TET1: variants seen among roughly 807,000 people sequenced by gnomAD.
TET1 encodes the protein methylcytosine dioxygenase TET1.
In TET1, 13 loss-of-function variants were observed where a neutral mutation model predicts 148.7. The ratio of observed to expected loss-of-function variants is 0.09; its 90% CI spans 0.06 to 0.14. The LOEUF is 0.14. TET1 is among the 10% of genes least tolerant of loss of function. The pLI, the probability that TET1 is intolerant of heterozygous loss-of-function variation, is 1.00. For synonymous variants in TET1, 907 were observed against 937.2 expected, an observed-to-expected ratio of 0.97 and a Z score of 0.59; for missense variants, 2,182 against 2,553.8, an observed-to-expected ratio of 0.85 and a Z score of 3.14.
intron 3 of TET1, 85 bp downstream of exon 3, chr10:68,601,119 G>T: frequency 8.5e-7 from 1 of 1,181,270 alleles, no homozygotes; most frequent in South Asian, 1.4e-5. Context: ...TTGGAGTACA[G>T]TATATGTGAA....
chr10:68,678,225 T>C (rs2055390182), intron 8 of TET1, among the ~76,000 whole-genome samples: 1 of 152,156 alleles, frequency 6.6e-6, no homozygotes, highest in Non-Finnish European at 1.5e-5. Flanking sequence ...AATGGTCACT[T>C]AAATTATATG....
At chr10:68,672,487 C>CAAAAAAAAAAAAAAAAAA in intron 7 of TET1, among the ~76,000 whole-genome samples, 1 of 49,726 alleles carries the variant, frequency 2.0e-5, no homozygotes, top group Non-Finnish European at 3.2e-5. Context: ...GACCCCATCT[C>CAAAAAAAAAAAAAAAAAA]AAAAAAAAAA....
chr10:68,599,412 C>G (rs962577737), intron 2 of TET1, among the ~76,000 whole-genome samples: 1 of 152,244 alleles, frequency 6.6e-6, no homozygotes, highest in African/African-American at 2.4e-5. Flanking sequence ...TGAGACCAGC[C>G]AGCTCACCAC....
intron 11 of TET1, among the ~76,000 whole-genome samples, chr10:68,687,656 A>G (rs1173794367): frequency 1.3e-5 from 2 of 152,032 alleles, no homozygotes; most frequent in African/African-American, 4.8e-5. Context: ...TGGCGTGATC[A>G]TGGCTCACCA....
chr10:68,600,051 A>G (rs1294999396), intron 2 of TET1, among the ~76,000 whole-genome samples: 1 of 152,188 alleles, frequency 6.6e-6, no homozygotes. Flanking sequence ...CGCCTGCTGC[A>G]AAGAGGTGTG....
intron 7 of TET1, 43 bp from the exon 8 acceptor site, chr10:68,672,852 G>A (rs1481010580): frequency 6.4e-7 from 1 of 1,565,738 alleles, no homozygotes; most frequent in Non-Finnish European, 8.7e-7. Flanking sequence ...CTGAGGTATT[G>A]TAATGCTTCA....
intron 3 of TET1, among the ~76,000 whole-genome samples, chr10:68,612,838 G>T (rs766644540): frequency 2.6e-5 from 4 of 152,038 alleles, no homozygotes; most frequent in Non-Finnish European, 4.4e-5. Context: ...GGCTGGTCTT[G>T]AACTCTTGAG....
At position 68,693,228 on chromosome 10, in the gene TET1, AAGGAT is replaced by A. The variant is rs2055615973; in HGVS notation, c.*1415_*1419del. The A allele has an allele frequency of 4.3e-6, 1 of 232,650 alleles. No homozygotes were observed. The highest frequency in any genetic ancestry group is 8.5e-6 in the Non-Finnish European group (1 of 117,698). 14.4% of individuals were successfully genotyped at this position (232,650 alleles called of 1,614,324 possible). On this transcript the variant is annotated 3_prime_UTR_variant, in exon 12 of 12. Transcript: ENST00000373644. ...TTGACTCATTTTATTGCAAAACAAA[AAGGAT>A]TACCCAAACAACATGTTTCGAACAA...
intron 6 of TET1, among the ~76,000 whole-genome samples, chr10:68,660,789 T>C (rs1012994578): frequency 2.6e-5 from 4 of 151,506 alleles, no homozygotes; most frequent in Non-Finnish European, 5.9e-5. Flanking sequence ...GCCTCCCAAG[T>C]AGATGGTATT....
intron 8 of TET1, among the ~76,000 whole-genome samples, chr10:68,677,205 CCTT>C (rs1411545081): frequency 2.0e-5 from 3 of 152,194 alleles, no homozygotes; most frequent in South Asian, 2.1e-4. Flanking sequence ...ACCAGAGAGT[CCTT>C]CTCCACCGCA....
intron 1 of TET1, among the ~76,000 whole-genome samples, chr10:68,568,217 C>CT (rs566751115): frequency 0.033 from 3,118 of 93,752 alleles, 143 homozygotes; most frequent in African/African-American, 0.083. Flanking sequence ...CGCGCCCAGT[C>CT]TTTTTTTTTT....
At chr10:68,585,657 A>G (rs2053852406) in intron 2 of TET1, among the ~76,000 whole-genome samples, 1 of 152,076 alleles carries the variant, frequency 6.6e-6, no homozygotes, top group Non-Finnish European at 1.5e-5. Context: ...TTTCAGAGAA[A>G]GGAAATCATA....
intron 3 of TET1, 61 bp from the exon 4 acceptor site, chr10:68,644,637 C>A: frequency 6.9e-7 from 1 of 1,452,086 alleles, no homozygotes; most frequent in Non-Finnish European, 9.2e-7. Context: ...AAATTTTAAT[C>A]TTCTATGGCT....
Position 68,692,662 on chromosome 10 carries a change from GAGA to G in TET1, c.*851_*853del, listed in dbSNP as rs1478710127. 1.7e-5 allele frequency: 4 copies of G among 231,540 alleles called. No individual in the cohort carries two copies. The highest frequency in any genetic ancestry group is 8.8e-5 in the African/African-American group (4 of 45,264). 14.3% of individuals were successfully genotyped at this position (231,540 alleles called of 1,614,324 possible). A position where few individuals can be genotyped will look rare whatever the true frequency, so the allele number is the denominator to read the frequency against. ...GCAGTATATAAAATAGTTAGATAAT[GAGA>G]AGTTGTTAATTATCTCTAAAATTGG... On this transcript the variant is annotated 3_prime_UTR_variant, in exon 12 of 12. Transcript: ENST00000373644.
At position 68,693,113 on chromosome 10, in the gene TET1, C is replaced by T. The variant is rs143238580; in HGVS notation, c.*1299C>T. 2 of 229,980 alleles carry T rather than the reference C, an allele frequency of 8.7e-6. No homozygotes were observed. The highest frequency in any genetic ancestry group is 1.7e-5 in the Non-Finnish European group (2 of 117,112). The allele number at this position is 229,980 out of a possible 1,614,324, so 14.2% of individuals were successfully genotyped here. ...TACTAGATTTGGGAAAATGATAACT[C>T]ATCTTTTCTGATAATTGCCTATGTT... On this transcript the variant is annotated 3_prime_UTR_variant, in exon 12 of 12. Transcript: ENST00000373644.
At chr10:68,614,944 C>CT (rs369939263) in intron 3 of TET1, among the ~76,000 whole-genome samples, 2,306 of 145,240 alleles carry the variant, frequency 0.016, 49 homozygotes, top group African/African-American at 0.052. Context: ...ATTTTTATGG[C>CT]TTTTTTTTTT....
intron 2 of TET1, among the ~76,000 whole-genome samples, chr10:68,589,304 C>T (rs1265914182): frequency 6.6e-6 from 1 of 151,900 alleles, no homozygotes; most frequent in East Asian, 1.9e-4. Context: ...CCCAGATTAT[C>T]AATTTCATTA....
At chr10:68,685,682 C>T (rs1439165903) in intron 10 of TET1, among the ~76,000 whole-genome samples, 1 of 151,906 alleles carries the variant, frequency 6.6e-6, no homozygotes, top group Non-Finnish European at 1.5e-5. Context: ...TAAATATAAC[C>T]TTTAATGTAA....
At position 68,573,332 on chromosome 10, in the gene TET1, G is replaced by T; in HGVS notation, c.994G>T (p.Ala332Ser). The T allele has an allele frequency of 6.2e-7, 1 of 1,613,932 alleles. No individual in the cohort carries two copies. Among genetic ancestry groups the T allele is most frequent in the Non-Finnish European group, 8.5e-7 (1 of 1,180,002 alleles). ...TACCTCTGTAATAAAATTCCTCTTGGCAGGCTCAAAACAAGCGACCCTTGG... is the reference window on the plus strand; with the variant it reads ...TACCTCTGTAATAAAATTCCTCTTGTCAGGCTCAAAACAAGCGACCCTTGG... ...SPTSVIKFLLAGSKQATLGAK... is the reference protein window; with the variant it reads ...SPTSVIKFLLSGSKQATLGAK... Residue 332 changes from alanine to serine, a missense_variant, in exon 2 of 12, where the codon GCA becomes TCA. By Grantham distance (99) the Ala-to-Ser change is moderately conservative. Around this residue, in one of 11 missense-constraint regions of TET1, gnomAD observed 665 missense variants for 672.4 expected, o/e 0.99. Coordinates refer to ENST00000373644, the MANE Select transcript of TET1 (RefSeq NM_030625.3).
Sources: allele counts gnomAD v4.1 joint callset (sites outside exome capture counted in the v4.1 genomes callset), GRCh38; gene constraint gnomAD v4.1.1; regional missense constraint gnomAD v4.1.1; transcripts MANE v1.5; gene names NCBI Gene and HGNC (gene_info 2026-07-23, HGNC 2026-07-21).